The following RIMBP2 variants were observed in gnomAD, a reference collection of about 807,000 sequenced individuals.
The protein encoded by RIMBP2 is RIMS binding protein 2.
In RIMBP2, 48 loss-of-function variants were observed where a neutral mutation model predicts 118.6. That is an observed-to-expected ratio of 0.40 (90% CI 0.32 to 0.51). RIMBP2 has a LOEUF of 0.51. Among genes scored for constraint, RIMBP2 ranks in the 20% least tolerant of loss-of-function variants. RIMBP2 has a pLI of 0.41. For missense variants in RIMBP2, 1,551 were observed against 1,768.3 expected (o/e 0.88, Z 2.20); for synonymous variants, 762 against 742.9 (o/e 1.03, Z -0.42).
chr12:130,487,382 G>C (rs777994816), intron 4 of RIMBP2, among the ~76,000 whole-genome samples: 1 of 152,156 alleles, frequency 6.6e-6, no homozygotes, highest in African/African-American at 2.4e-5. Flanking sequence ...GTGAGTTCTT[G>C]CTCTGAGTTC....
chr12:130,425,629 AC>A (rs1481881382), intron 15 of RIMBP2: 5 of 152,498 alleles, frequency 3.3e-5, no homozygotes, highest in Admixed American at 1.3e-4. Flanking sequence ...AGTGTCCATG[AC>A]TTTTATACTG....
rs71468421 is a variant in RIMBP2 at position 130,414,298 on chromosome 12, C to T, written c.3247G>A (p.Gly1083Arg). Residue 1083 changes from glycine (G) to arginine (R), a missense_variant, in exon 18 of 23, where the codon GGG becomes AGG. Around this residue, in one of 5 missense-constraint regions of RIMBP2, gnomAD observed 1,038 missense variants for 1,125.1 expected, o/e 0.92. Transcript: ENST00000690449. ...AAGTCTGGAGAAAGGCGGTCTCGCC[C>T]GTAATCGTCTGCGAGCAAGTGGGGG... Reference protein sequence around the residue: ...PVTVPSIDDYGRDRLSPDFYE... With the variant: ...PVTVPSIDDYRRDRLSPDFYE... The T allele has an allele frequency of 5.0e-6, 8 of 1,586,038 alleles. No homozygotes were observed. The highest frequency in any genetic ancestry group is 1.3e-5 in the African/African-American group (1 of 74,134).
At position 130,450,351 on chromosome 12, in the gene RIMBP2, A is replaced by T; in HGVS notation, c.505-75T>A. 1.8e-6 allele frequency: 2 copies of T among 1,095,540 alleles called. No individual in the cohort carries two copies. Among genetic ancestry groups the T allele is most frequent in the Non-Finnish European group, 2.7e-6 (2 of 730,662 alleles). 67.9% of individuals were successfully genotyped at this position (1,095,540 alleles called of 1,614,324 possible). Reference sequence around the variant, plus strand: ...ACCCCATTCCCGCGGCACACGGGAAAGCCCCTCGCAGCTTCCTGGGCCCCA... The same window carrying T: ...ACCCCATTCCCGCGGCACACGGGAATGCCCCTCGCAGCTTCCTGGGCCCCA... On this transcript the variant is annotated intron_variant, in intron 8 of 22. Transcript: ENST00000690449. The surrounding 1 kb of genome is among the most constrained non-coding windows in gnomAD (Gnocchi z 4.8).
intron 22 of RIMBP2, chr12:130,399,064 T>C: frequency 9.8e-7 from 1 of 1,024,834 alleles, no homozygotes; most frequent in East Asian, 2.9e-5. Context: ...CTGGCCCGGT[T>C]AAGGTAGCTT....
rs559660899 is a variant in RIMBP2, at chr12:130,664,389, GCA to G, written c.-351-35935_-351-35934del. ...TGCACGTGCATGCACGCACGCGCAT[GCA>G]CACACACGCACGCACGCACGCACAC... is the stretch of plus-strand genomic sequence containing the variant. On this transcript the variant is annotated intron_variant, in intron 1 of 22. Transcript: ENST00000690449. 1.6e-4 allele frequency among the ~76,000 whole-genome samples: 13 copies of G among 82,542 alleles called. 1 individual carries two copies. The highest frequency in any genetic ancestry group is 2.5e-4 in the African/African-American group (6 of 24,096). 54.2% of individuals were successfully genotyped at this position (82,542 alleles called of 152,430 possible). A position where few individuals can be genotyped will look rare whatever the true frequency, so the allele number is the denominator to read the frequency against.
intron 4 of RIMBP2, among the ~76,000 whole-genome samples, chr12:130,481,103 G>T (rs2081965976): frequency 6.7e-6 from 1 of 149,608 alleles, no homozygotes; most frequent in Non-Finnish European, 1.5e-5. Flanking sequence ...AGGGCGGGGG[G>T]CACCCAGGCT....
At chr12:130,667,370 A>G (rs11061068) in intron 1 of RIMBP2, 48,124 of 152,150 alleles carry the variant, frequency 0.32, 7,977 homozygotes, top group Non-Finnish European at 0.38. Flanking sequence ...TTTGAAGAGC[A>G]TGAATAGAGG....
intron 10 of RIMBP2, among the ~76,000 whole-genome samples, chr12:130,443,379 C>A (rs537796384): frequency 1.3e-5 from 2 of 152,234 alleles, no homozygotes; most frequent in Non-Finnish European, 1.5e-5. Context: ...TAACAGCAGA[C>A]GGCCAGAAAA....
Position 130,622,422 on chromosome 12 carries a change from TA to T in RIMBP2, c.-217+5899del, listed in dbSNP as rs2061375270. ...CAAAACTGTTGGTTAATTCACTAGT[TA>T]TTTTGTACATAAATTCACTATTCAC... On this transcript the variant is annotated intron_variant, in intron 2 of 22. Transcript: ENST00000690449. This position sits in a 1 kb window ranked among gnomAD's most constrained non-coding sequence, Gnocchi z 8.5. 6.8e-6 allele frequency among the ~76,000 whole-genome samples: 1 copy of T among 147,682 alleles called. No individual in the cohort carries two copies. Among genetic ancestry groups the T allele is most frequent in the Admixed American group, 6.8e-5 (1 of 14,746 alleles).
intron 19 of RIMBP2, 39 bp from the exon 20 acceptor site, chr12:130,407,868 G>T (rs746628254): frequency 5.1e-6 from 8 of 1,572,286 alleles, no homozygotes; most frequent in Non-Finnish European, 7.0e-6. Flanking sequence ...CCATCATGAG[G>T]TTATTTCAAA....
chr12:130,615,276 C>CATACATATATAT (rs1455080257), intron 2 of RIMBP2, among the ~76,000 whole-genome samples: 2 of 100,260 alleles, frequency 2.0e-5, no homozygotes, highest in East Asian at 3.2e-4. Context: ...AATACACATA[C>CATACATATATAT]ATATATATAT....
chr12:130,698,860 CA>C (rs1347600056), intron 1 of RIMBP2, among the ~76,000 whole-genome samples: 1 of 152,084 alleles, frequency 6.6e-6, no homozygotes, highest in East Asian at 1.9e-4. Flanking sequence ...CCAGAATCTA[CA>C]AAGAACTCAA....
At chr12:130,554,803 T>C (rs2056186012) in intron 2 of RIMBP2, among the ~76,000 whole-genome samples, 1 of 152,128 alleles carries the variant, frequency 6.6e-6, no homozygotes, top group South Asian at 2.1e-4. Context: ...AATATTTGAA[T>C]TCACTTATGT....
chr12:130,478,100 T>A (rs1265266611), intron 5 of RIMBP2, among the ~76,000 whole-genome samples: 1 of 152,072 alleles, frequency 6.6e-6, no homozygotes, highest in African/African-American at 2.4e-5. Context: ...AGGACTGGAG[T>A]GGGGTGAGGT....
At chr12:130,646,442 G>A (rs77547980) in intron 1 of RIMBP2, among the ~76,000 whole-genome samples, 838 of 4,590 alleles carry the variant, frequency 0.18, 362 homozygotes, top group East Asian at 0.73. Flanking sequence ...CACCTCCCTT[G>A]CCACCTCCCT....
intron 2 of RIMBP2, among the ~76,000 whole-genome samples, chr12:130,549,835 T>G (rs944751201): frequency 3.9e-5 from 6 of 152,152 alleles, no homozygotes; most frequent in Non-Finnish European, 8.8e-5. Context: ...GCATGTGTCT[T>G]TTTGGTAGAA....
chr12:130,496,480 C>T (rs1024127562), intron 4 of RIMBP2, among the ~76,000 whole-genome samples: 2 of 152,168 alleles, frequency 1.3e-5, no homozygotes, highest in Non-Finnish European at 2.9e-5. Context: ...ACTCCGGTCT[C>T]AGCAGCCCTG....
chr12:130,403,845 A>G (rs934534947), intron 21 of RIMBP2, among the ~76,000 whole-genome samples: 5 of 152,214 alleles, frequency 3.3e-5, no homozygotes, highest in African/African-American at 4.8e-5. Flanking sequence ...TAAAAATATT[A>G]TATATGATGG....
chr12:130,409,095 A>C (rs1280423114), intron 19 of RIMBP2, among the ~76,000 whole-genome samples: 2 of 152,192 alleles, frequency 1.3e-5, no homozygotes, highest in Non-Finnish European at 2.9e-5. Context: ...TGGCATAACA[A>C]CATACATGTA....
Sources: gnomAD v4.1 joint callset for allele counts (sites outside exome capture counted in the v4.1 genomes callset) on GRCh38, gnomAD v4.1.1 for gene constraint, gnomAD v4.1.1 regional missense constraint, Gnocchi (gnomAD v3.1) non-coding constraint, MANE v1.5 for transcripts, NCBI Gene and HGNC (gene_info 2026-07-23, HGNC 2026-07-21) for gene names.